The following PCDHGA9 variants were observed in gnomAD, a reference collection of about 807,000 sequenced individuals.
PCDHGA9 encodes the protein protocadherin gamma subfamily A, 9.
PCDHGA9 carries 37 observed loss-of-function variants against 62.5 expected under a neutral mutation model. That is an observed-to-expected ratio of 0.59 (90% CI 0.46 to 0.78). The LOEUF (loss-of-function observed/expected upper bound fraction) is 0.78. Ranked by LOEUF, PCDHGA9 falls within the 30% of genes least tolerant of loss-of-function variation. The pLI is 0.00. For missense variants in PCDHGA9, 1,138 were observed against 1,166.2 expected (o/e 0.98, Z 0.35); for synonymous variants, 459 against 484.6 (o/e 0.95, Z 0.69).
chr5:141,419,007 GGT>G (rs1181124538), intron 1 of PCDHGA9: 1 of 1,613,978 alleles, frequency 6.2e-7, no homozygotes, highest in South Asian at 1.1e-5. Flanking sequence ...GGGGAAGTCA[GGT>G]GTAGCTTAAG....
chr5:141,417,525 C>G (rs1435259680), intron 1 of PCDHGA9: 1 of 272,692 alleles, frequency 3.7e-6, no homozygotes, highest in African/African-American at 2.2e-5. Flanking sequence ...GCTGTCAACT[C>G]GTAGTTTAAA....
chr5:141,415,704 T>C (rs1262137262), intron 1 of PCDHGA9: 1 of 1,344,464 alleles, frequency 7.4e-7, no homozygotes, highest in South Asian at 1.3e-5. Context: ...GTGTAAATGC[T>C]AAAACACTGA....
rs779183487 is a variant in PCDHGA9, at chr5:141,430,845, C to T, written c.2424+25469C>T. ...GGGACTCTGTGGGAGACCGGATGCA[C>T]CCAGATACGCTATTCAGTTCCGGAA... On this transcript the variant is annotated intron_variant, in intron 1 of 3. Coordinates refer to ENST00000573521, the MANE Select transcript of PCDHGA9 (RefSeq NM_018921.3). 27 of 1,575,514 alleles carry T rather than the reference C, an allele frequency of 1.7e-5. No individual in the cohort carries two copies. In the African/African-American group the frequency reaches 3.7e-4, roughly 21 times the overall value.
chr5:141,486,138 C>T lies in PCDHGA9; in HGVS notation c.2425-8669C>T. On this transcript the variant is annotated intron_variant, in intron 1 of 3. Transcript: ENST00000573521. This position sits in a 1 kb window ranked among gnomAD's most constrained non-coding sequence, Gnocchi z 5.0. ...AATTACTATGAATTTGATGTGCGGG[C>T]TCGCGATGGGGGTTCTCCAGCCATG... The T allele has an allele frequency of 6.2e-7, 1 of 1,614,212 alleles. No individual in the cohort carries two copies. The highest frequency in any genetic ancestry group is 1.3e-5 in the African/African-American group (1 of 75,052).
Position 141,486,785 on chromosome 5 carries a change from C to G in PCDHGA9, c.2425-8022C>G, listed in dbSNP as rs763174232. The G allele has an allele frequency of 2.8e-5, 45 of 1,614,102 alleles. No homozygotes were observed. The highest frequency in any genetic ancestry group is 3.6e-5 in the Non-Finnish European group (42 of 1,180,050). On this transcript the variant is annotated intron_variant, in intron 1 of 3. Coordinates refer to ENST00000573521, the MANE Select transcript of PCDHGA9 (RefSeq NM_018921.3). The surrounding 1 kb of genome is among the most constrained non-coding windows in gnomAD (Gnocchi z 5.0). ...GACACTGCAGTTTGAGGTGCAGGCC[C>G]GGGATCGGGGCAACCCACCCCTTAG... is the stretch of plus-strand genomic sequence containing the variant.
chr5:141,490,149 T>C lies in PCDHGA9; in HGVS notation c.2425-4658T>C. The C allele has an allele frequency of 1.9e-6, 3 of 1,614,188 alleles. No individual in the cohort carries two copies. The highest frequency in any genetic ancestry group is 2.7e-5 in the African/African-American group (2 of 75,050). On this transcript the variant is annotated intron_variant, in intron 1 of 3. Coordinates refer to ENST00000573521, the MANE Select transcript of PCDHGA9 (RefSeq NM_018921.3). This position sits in a 1 kb window ranked among gnomAD's most constrained non-coding sequence, Gnocchi z 5.4. ...TAGACCCTAGCAGTGGGGCAATCCA[T>C]GTGTTGGGTCCCATAGACTTTGAGG... is the stretch of plus-strand genomic sequence containing the variant.
chr5:141,435,593 G>T (rs183768133), intron 1 of PCDHGA9, among the ~76,000 whole-genome samples: 1 of 152,112 alleles, frequency 6.6e-6, no homozygotes, highest in East Asian at 1.9e-4. Flanking sequence ...CAGTAATATC[G>T]CCTGCTTTTT....
intron 1 of PCDHGA9, chr5:141,478,489 C>G (rs779457709): frequency 5.6e-6 from 9 of 1,613,162 alleles, no homozygotes; most frequent in Middle Eastern, 1.6e-4. Flanking sequence ...CGCTGCGGAG[C>G]TGTGATCCGG....
At position 141,432,156 on chromosome 5, in the gene PCDHGA9, C is replaced by A; in HGVS notation, c.2424+26780C>A. On this transcript the variant is annotated intron_variant, in intron 1 of 3. Transcript: ENST00000573521. This position sits in a 1 kb window ranked among gnomAD's most constrained non-coding sequence, Gnocchi z 6.0. Reference sequence around the variant, plus strand: ...TCCGCTTATATCCCAGAGAACAATCCCAGAGGAGTTTCCCTCGTCTCTGTG... The same window carrying A: ...TCCGCTTATATCCCAGAGAACAATCACAGAGGAGTTTCCCTCGTCTCTGTG... The A allele has an allele frequency of 6.2e-7, 1 of 1,614,142 alleles. No homozygotes were observed. Among genetic ancestry groups the A allele is most frequent in the East Asian group, 2.2e-5 (1 of 44,874 alleles).
Position 141,491,573 on chromosome 5 carries a change from T to G in PCDHGA9, c.2425-3234T>G. The G allele has an allele frequency of 6.2e-7, 1 of 1,613,912 alleles. No individual in the cohort carries two copies. The highest frequency in any genetic ancestry group is 8.5e-7 in the Non-Finnish European group (1 of 1,180,030). The stretch of plus-strand genomic sequence containing the variant: ...CAGAGCCACTGCTACAGGACGTGCT[T>G]TTCACCGGCCTCGGACGGCAGTGAC... On this transcript the variant is annotated intron_variant, in intron 1 of 3. Transcript: ENST00000573521. The surrounding 1 kb of genome is among the most constrained non-coding windows in gnomAD (Gnocchi z 6.9).
At chr5:141,423,025 G>A in intron 1 of PCDHGA9, 1 of 1,614,222 alleles carries the variant, frequency 6.2e-7, no homozygotes, top group Non-Finnish European at 8.5e-7. Context: ...CAAAGATTCA[G>A]GCCAGAACGC....
Position 141,436,345 on chromosome 5 carries a change from G to A in PCDHGA9, c.2424+30969G>A, listed in dbSNP as rs930858667. 5.9e-4 allele frequency among the ~76,000 whole-genome samples: 90 copies of A among 152,212 alleles called. 1 individual carries two copies. Among genetic ancestry groups the A allele is most frequent in the African/African-American group, 1.7e-3 (69 of 41,540 alleles). ...GTTAGACCATATCTCAAATATCAGT[G>A]ACTTCAATCAACTATGTTTCCAGTT... On this transcript the variant is annotated intron_variant, in intron 1 of 3. Coordinates refer to ENST00000573521, the MANE Select transcript of PCDHGA9 (RefSeq NM_018921.3).
At chr5:141,507,239 G>C (rs2099859378) in intron 3 of PCDHGA9, 1 of 152,310 alleles carries the variant, frequency 6.6e-6, no homozygotes, top group Non-Finnish European at 1.5e-5. Context: ...CCCAGTTACA[G>C]TTGAATGTCA....
chr5:141,441,772 TG>T, intron 1 of PCDHGA9: 1 of 388,268 alleles, frequency 2.6e-6, no homozygotes, highest in South Asian at 2.0e-5. Flanking sequence ...CGCGTGTTGG[TG>T]GACGACCTGA....
At position 141,420,340 on chromosome 5, in the gene PCDHGA9, G is replaced by A. The variant is rs1405507680; in HGVS notation, c.2424+14964G>A. ...ATATGCCAATATATTCCAATATAGT[G>A]GTATTATTTTAAGATTCTAGATAAC... On this transcript the variant is annotated intron_variant, in intron 1 of 3. Transcript: ENST00000573521. The A allele has an allele frequency of 2.9e-6, 4 of 1,387,388 alleles. No homozygotes were observed. In the African/African-American group the frequency reaches 4.4e-5, roughly 15 times the overall value. 85.9% of individuals were successfully genotyped at this position (1,387,388 alleles called of 1,614,324 possible). A position where few individuals can be genotyped will look rare whatever the true frequency, so the allele number is the denominator to read the frequency against.
At position 141,505,200 on chromosome 5, in the gene PCDHGA9, G is replaced by T. The variant is rs528060752; in HGVS notation, c.2484-193G>T. On this transcript the variant is annotated intron_variant, in intron 2 of 3. Transcript: ENST00000573521. ...AAAGCATCGGAGGCAGCAAAGAGCTGGTTTGAGGGACTGACTTGTGGGATT... is the reference window on the plus strand; with the variant it reads ...AAAGCATCGGAGGCAGCAAAGAGCTTGTTTGAGGGACTGACTTGTGGGATT... Among the ~76,000 whole-genome samples the T allele has an allele frequency of 6.6e-5, 10 of 152,244 alleles. No individual in the cohort carries two copies. The East Asian group carries it at 7.7e-4, about 12-fold the overall frequency.
intron 1 of PCDHGA9, chr5:141,409,190 C>T (rs868189970): frequency 6.2e-7 from 1 of 1,613,986 alleles, no homozygotes; most frequent in Non-Finnish European, 8.5e-7. Context: ...TCTCTCTACC[C>T]AGTGTAAAGT....
intron 2 of PCDHGA9, among the ~76,000 whole-genome samples, chr5:141,498,309 G>A (rs2099783046): frequency 6.6e-6 from 1 of 151,844 alleles, no homozygotes; most frequent in Non-Finnish European, 1.5e-5. Flanking sequence ...GGGTCACACT[G>A]CCTACACAGA....
intron 1 of PCDHGA9, among the ~76,000 whole-genome samples, chr5:141,464,019 C>A (rs1285414825): frequency 2.0e-5 from 3 of 151,984 alleles, no homozygotes; most frequent in African/African-American, 4.8e-5. Context: ...TAATCCCACA[C>A]TTTGGGAGGC....
Sources: allele counts gnomAD v4.1 joint callset (sites outside exome capture counted in the v4.1 genomes callset), GRCh38; gene constraint gnomAD v4.1.1; non-coding constraint Gnocchi (gnomAD v3.1); transcripts MANE v1.5; gene names NCBI Gene and HGNC (gene_info 2026-07-23, HGNC 2026-07-21).